EXOC4: variants seen among roughly 807,000 people sequenced by gnomAD.
The protein encoded by EXOC4 is exocyst complex component 4.
A neutral mutation model predicts 107.2 loss-of-function variants in EXOC4; 71 were observed. The ratio of observed to expected loss-of-function variants is 0.66; its 90% CI spans 0.55 to 0.81. The LOEUF (loss-of-function observed/expected upper bound fraction) is 0.81. Ranked by LOEUF, EXOC4 falls within the 30% of genes least tolerant of loss-of-function variation. The probability of loss-of-function intolerance (pLI) is 0.00; values close to 1 mark genes in which losing one functional copy is unlikely to be tolerated. For missense variants in EXOC4, 1,108 were observed against 1,189.6 expected (o/e 0.93, Z 1.01); for synonymous variants, 456 against 441.2 (o/e 1.03, Z -0.42).
intron 11 of EXOC4, among the ~76,000 whole-genome samples, chr7:133,864,130 G>T (rs1798589579): frequency 1.3e-5 from 2 of 152,124 alleles, no homozygotes; most frequent in Non-Finnish European, 2.9e-5. Context: ...AGAGCTTTGT[G>T]TGTCCACTGT....
At chr7:133,338,649 A>G (rs190182688) in intron 5 of EXOC4, among the ~76,000 whole-genome samples, 55 of 150,040 alleles carry the variant, frequency 3.7e-4, no homozygotes, top group Admixed American at 3.2e-3. Context: ...TTTTTGGGGA[A>G]CAGGTGGTAT....
intron 9 of EXOC4, among the ~76,000 whole-genome samples, chr7:133,571,357 C>T (rs1027960475): frequency 5.9e-5 from 9 of 152,090 alleles, no homozygotes; most frequent in Non-Finnish European, 1.3e-4. Flanking sequence ...TCTCAAAATA[C>T]CACAGATTGA....
intron 9 of EXOC4, among the ~76,000 whole-genome samples, chr7:133,513,208 G>T (rs1799808274): frequency 6.6e-6 from 1 of 151,806 alleles, no homozygotes; most frequent in South Asian, 2.1e-4. Flanking sequence ...TTATTTTTGA[G>T]ACTTAACTGG....
Position 133,997,583 on chromosome 7 carries a change from G to T in EXOC4, c.2298G>T (p.Ser766=), listed in dbSNP as rs146827346. 6.2e-7 allele frequency: 1 copy of T among 1,613,598 alleles called. No individual in the cohort carries two copies. Among genetic ancestry groups the T allele is most frequent in the Admixed American group, 1.7e-5 (1 of 59,914 alleles). ...IMQTLSELAK[S]FQDMADRCLL... is the part of the protein sequence containing the mutation. ...AGACTCTCAGTGAACTTGCCAAATC[G>T]TTCCAGGATATGGCTGACCGCTGCT... is the stretch of plus-strand genomic sequence containing the variant. The change falls in exon 15 of 18, where the codon TCG becomes TCT. Residue 766 remains serine, a synonymous_variant. Coordinates refer to ENST00000253861, the MANE Select transcript of EXOC4 (RefSeq NM_021807.4).
At chr7:133,862,797 A>T (rs28561921) in intron 11 of EXOC4, among the ~76,000 whole-genome samples, 223 of 151,592 alleles carry the variant, frequency 1.5e-3, no homozygotes, top group Non-Finnish European at 2.3e-3. Context: ...TTTTTCTAAA[A>T]TTTTTTTGTT....
intron 12 of EXOC4, among the ~76,000 whole-genome samples, chr7:133,904,429 A>G (rs2116571008): frequency 6.6e-6 from 1 of 152,316 alleles, no homozygotes; most frequent in African/African-American, 2.4e-5. Flanking sequence ...TCCAAACAGC[A>G]AACTCTATCT....
intron 5 of EXOC4, among the ~76,000 whole-genome samples, chr7:133,349,797 C>T (rs1427950220): frequency 1.3e-5 from 2 of 152,056 alleles, no homozygotes; most frequent in East Asian, 3.9e-4. Context: ...AGTGCACAAG[C>T]GTTCCAATTT....
At chr7:133,257,518 T>C (rs536836702) in intron 1 of EXOC4, among the ~76,000 whole-genome samples, 43 of 152,356 alleles carry the variant, frequency 2.8e-4, no homozygotes, top group Admixed American at 4.6e-4. Context: ...TTTATTTCTG[T>C]GAGTTCTTGC....
At position 133,868,073 on chromosome 7, in the gene EXOC4, T is replaced by C. The variant is rs551132632; in HGVS notation, c.1735-27526T>C. Reference sequence around the variant, plus strand: ...TTAAGCTGTTTTTTAGTAATAGTTTTATATGGAGTTTGGTTCAAAGAGATC... The same window carrying C: ...TTAAGCTGTTTTTTAGTAATAGTTTCATATGGAGTTTGGTTCAAAGAGATC... On this transcript the variant is annotated intron_variant, in intron 11 of 17. Transcript: ENST00000253861. Among the ~76,000 whole-genome samples, 3 of 152,346 alleles carry C rather than the reference T, an allele frequency of 2.0e-5. No individual in the cohort carries two copies. In the East Asian group the frequency reaches 5.8e-4, roughly 29 times the overall value.
chr7:134,082,519 C>T, the EXOC4 span, among the ~76,000 whole-genome samples: 1 of 152,198 alleles, frequency 6.6e-6, no homozygotes, highest in Non-Finnish European at 1.5e-5. Context: ...CTGCTCACTG[C>T]AACCTCCACC....
rs541500489 is a variant in EXOC4, at chr7:133,740,860, G to C, written c.1515-76465G>C. Among the ~76,000 whole-genome samples, 2 of 152,270 alleles carry C rather than the reference G, an allele frequency of 1.3e-5. 1 individual carries two copies. The highest frequency in any genetic ancestry group is 3.9e-4 in the East Asian group (2 of 5,174). ...GATGACCCTGTTCGATGAGTAGGCA[G>C]ATATTAACATCCTCACATTAGAATT... On this transcript the variant is annotated intron_variant, in intron 10 of 17. Coordinates refer to ENST00000253861, the MANE Select transcript of EXOC4 (RefSeq NM_021807.4).
At chr7:133,550,927 G>A (rs34397800) in intron 9 of EXOC4, among the ~76,000 whole-genome samples, 1 of 151,532 alleles carries the variant, frequency 6.6e-6, no homozygotes, top group Non-Finnish European at 1.5e-5. Flanking sequence ...AATTCAGTCA[G>A]CAAAAAGTTC....
At chr7:133,588,848 G>C (rs1801468993) in intron 9 of EXOC4, among the ~76,000 whole-genome samples, 1 of 152,126 alleles carries the variant, frequency 6.6e-6, no homozygotes, top group African/African-American at 2.4e-5. Flanking sequence ...TTGCATGCCA[G>C]ACTGGGCGAC....
At chr7:133,984,848 C>G (rs980861052) in intron 14 of EXOC4, among the ~76,000 whole-genome samples, 1 of 151,984 alleles carries the variant, frequency 6.6e-6, no homozygotes, top group Non-Finnish European at 1.5e-5. Flanking sequence ...TTGAGGAAAA[C>G]GAGACTTAGA....
intron 9 of EXOC4, among the ~76,000 whole-genome samples, chr7:133,482,677 A>C (rs1051584651): frequency 6.6e-6 from 1 of 152,092 alleles, no homozygotes; most frequent in Non-Finnish European, 1.5e-5. Context: ...CCTTTTCTCT[A>C]AATGGGAATA....
chr7:133,764,926 G>A (rs1796105643), intron 10 of EXOC4, among the ~76,000 whole-genome samples: 1 of 151,956 alleles, frequency 6.6e-6, no homozygotes, highest in Non-Finnish European at 1.5e-5. Flanking sequence ...TTAGTTAGGT[G>A]ATCCCAAACA....
chr7:133,671,426 G>A (rs549644552), intron 10 of EXOC4, among the ~76,000 whole-genome samples: 10 of 152,238 alleles, frequency 6.6e-5, no homozygotes, highest in South Asian at 2.1e-4. Flanking sequence ...TTAGCTGGGC[G>A]TGTGTTGGTG....
intron 9 of EXOC4, among the ~76,000 whole-genome samples, chr7:133,520,647 G>T (rs1272629910): frequency 6.6e-6 from 1 of 152,104 alleles, no homozygotes; most frequent in African/African-American, 2.4e-5. Context: ...CACATTGTTA[G>T]TTTATATGAA....
At chr7:133,936,261 C>A (rs946638995) in intron 13 of EXOC4, among the ~76,000 whole-genome samples, 1 of 152,156 alleles carries the variant, frequency 6.6e-6, no homozygotes, top group Non-Finnish European at 1.5e-5. Context: ...AGATAACCCT[C>A]GGCTAAAATA....
Sources: allele counts gnomAD v4.1 joint callset (sites outside exome capture counted in the v4.1 genomes callset), GRCh38; gene constraint gnomAD v4.1.1; transcripts MANE v1.5; gene names NCBI Gene and HGNC (gene_info 2026-07-23, HGNC 2026-07-21).